ZNF671: variants seen among roughly 807,000 people sequenced by gnomAD.
ZNF671 encodes hypothetical protein FLJ23506.
In ZNF671, 19 loss-of-function variants were observed where a neutral mutation model predicts 16.6. The ratio of observed to expected loss-of-function variants is 1.14; its 90% CI spans 0.80 to 1.68. The LOEUF (loss-of-function observed/expected upper bound fraction) is 1.68, where lower values mean the gene tolerates loss of function less well. Among genes scored for constraint, ZNF671 ranks in the 40% most tolerant of loss-of-function variants. ZNF671 has a pLI of 0.00. For missense variants in ZNF671, 637 were observed against 659.8 expected, an observed-to-expected ratio of 0.97 and a Z score of 0.38; for synonymous variants, 238 against 236.3, an observed-to-expected ratio of 1.01 and a Z score of -0.06.
In ZNF671 at chr19:57,720,317, T is replaced by G. The variant is rs1363910572; in HGVS notation, c.*164A>C. The G allele has an allele frequency of 6.2e-6, 6 of 974,232 alleles. No homozygotes were observed. Among genetic ancestry groups the G allele is most frequent in the African/African-American group, 1.6e-5 (1 of 61,136 alleles). 60.3% of individuals were successfully genotyped at this position (974,232 alleles called of 1,614,324 possible). A position where few individuals can be genotyped will look rare whatever the true frequency, so the allele number is the denominator to read the frequency against. ...AACAGAGACAGCACATTGCTTAGAC[T>G]GCTAAGGCCTGTGTCCGGTGTGAAA... On this transcript the variant is annotated 3_prime_UTR_variant, in exon 4 of 4. Coordinates refer to ENST00000317398, the MANE Select transcript of ZNF671 (RefSeq NM_024833.3).
At chr19:57,726,015 G>A (rs62128135) in intron 1 of ZNF671, among the ~76,000 whole-genome samples, 70,247 of 150,310 alleles carry the variant, frequency 0.47, 18,308 homozygotes, top group African/African-American at 0.72. Context: ...TGGAAGGCTG[G>A]GGCCGGTGGA....
At chr19:57,727,077 T>A (rs1423453358) in intron 1 of ZNF671, 2 of 289,732 alleles carry the variant, frequency 6.9e-6, no homozygotes, top group Non-Finnish European at 1.3e-5. Context: ...CGTCCTTCTA[T>A]TCAAAACCCT....
At chr19:57,727,284 C>T in intron 1 of ZNF671, 107 bp downstream of exon 1, 1 of 1,432,844 alleles carries the variant, frequency 7.0e-7, no homozygotes, top group Non-Finnish European at 9.2e-7. Context: ...CGAGATAGGA[C>T]CCCGCCCCAA....
At position 57,727,299 on chromosome 19, in the gene ZNF671, G is replaced by C. The variant is rs946423119; in HGVS notation, c.138+92C>G. The C allele has an allele frequency of 4.8e-6, 7 of 1,454,140 alleles. No individual in the cohort carries two copies. In the African/African-American group the frequency reaches 1.0e-4, roughly 21 times the overall value. The allele number at this position is 1,454,140 out of a possible 1,614,324, so 90.1% of individuals were successfully genotyped here. On this transcript the variant is annotated intron_variant, in intron 1 of 3. Transcript: ENST00000317398. ...CGAGATAGGACCCCGCCCCAAGAGTGCGTCGCTGTCCTGGGACACAGGGGC... is the reference window on the plus strand; with the variant it reads ...CGAGATAGGACCCCGCCCCAAGAGTCCGTCGCTGTCCTGGGACACAGGGGC...
chr19:57,721,943 T>C lies in ZNF671; in HGVS notation c.389-246A>G, dbSNP rs78697390. The C allele has an allele frequency of 1.2e-3, 692 of 601,686 alleles. 6 individuals are homozygous for C. Among genetic ancestry groups the C allele is most frequent in the East Asian group, 7.1e-3 (251 of 35,296 alleles). 37.3% of individuals were successfully genotyped at this position (601,686 alleles called of 1,614,324 possible). A position where few individuals can be genotyped will look rare whatever the true frequency, so the allele number is the denominator to read the frequency against. Reference sequence around the variant, plus strand: ...CAAACAAATGGCTTCCAGTAGGGCCTTGACTGTTAGTGACTCGTGAGTGCT... The same window carrying C: ...CAAACAAATGGCTTCCAGTAGGGCCCTGACTGTTAGTGACTCGTGAGTGCT... On this transcript the variant is annotated intron_variant, in intron 3 of 3. Transcript: ENST00000317398.
chr19:57,722,406 T>G lies in ZNF671; in HGVS notation c.298A>C (p.Lys100Gln). 1 of 1,614,102 alleles carries G rather than the reference T, an allele frequency of 6.2e-7. No homozygotes were observed. The highest frequency in any genetic ancestry group is 8.5e-7 in the Non-Finnish European group (1 of 1,180,018). The change falls in exon 3 of 4, where the codon AAA becomes CAA. Residue 100 changes from lysine (K) to glutamine (Q), a missense_variant. By Grantham distance (53) the Lys-to-Gln change is moderately conservative. Coordinates refer to ENST00000317398, the MANE Select transcript of ZNF671 (RefSeq NM_024833.3). The stretch of plus-strand genomic sequence containing the variant: ...CAGGGCTCTTCTCCTCGCTCTAGTT[T>G]CATGACTGCACGTGATCTGGAAAAT... Reference protein sequence around the residue: ...IAFSRSRAVMKLERGEEPWVY... With the variant: ...IAFSRSRAVMQLERGEEPWVY...
chr19:57,722,174 T>G (rs906132500), intron 3 of ZNF671, 142 bp downstream of exon 3: 3 of 1,345,098 alleles, frequency 2.2e-6, no homozygotes, highest in Admixed American at 2.3e-5. Flanking sequence ...AGAAATGATA[T>G]ATCTTCGTGT....
intron 2 of ZNF671, among the ~76,000 whole-genome samples, chr19:57,722,710 TG>T (rs1985920117): frequency 6.6e-6 from 1 of 152,080 alleles, no homozygotes; most frequent in African/African-American, 2.4e-5. Context: ...AAGACCAGCC[TG>T]GGCAACATGG....
At position 57,723,233 on chromosome 19, in the gene ZNF671, A is replaced by G; in HGVS notation, c.246T>C (p.Phe82=). 1 of 1,612,938 alleles carries G rather than the reference A, an allele frequency of 6.2e-7. No individual in the cohort carries two copies. The highest frequency in any genetic ancestry group is 8.5e-7 in the Non-Finnish European group (1 of 1,179,340). The change falls in exon 2 of 4, where the codon TTT becomes TTC. Residue 82 remains phenylalanine, a synonymous_variant. Transcript: ENST00000317398. ...LLYHDVMLEN[F]ALLASLGIAF... ...CCTTACCCAGTGAGGCTAAAAGTGC[A>G]AAGTTCTCCAGCATCACATCATGGT... is the stretch of plus-strand genomic sequence containing the variant.
At chr19:57,722,712 G>A (rs1985920201) in intron 2 of ZNF671, among the ~76,000 whole-genome samples, 1 of 152,002 alleles carries the variant, frequency 6.6e-6, no homozygotes, top group South Asian at 2.1e-4. Flanking sequence ...GACCAGCCTG[G>A]GCAACATGGC....
chr19:57,721,949 GT>G, intron 3 of ZNF671: 1 of 589,578 alleles, frequency 1.7e-6, no homozygotes, highest in Admixed American at 3.1e-5. Flanking sequence ...GGCCTTGACT[GT>G]TAGTGACTCG....
At chr19:57,721,898 C>T in intron 3 of ZNF671, 1 of 704,570 alleles carries the variant, frequency 1.4e-6, no homozygotes, top group Non-Finnish European at 2.3e-6. Context: ...CAATGAAGGG[C>T]CAGGATATAA....
chr19:57,722,144 T>C, intron 3 of ZNF671, 172 bp downstream of exon 3: 1 of 1,074,158 alleles, frequency 9.3e-7, no homozygotes, highest in Non-Finnish European at 1.3e-6. Context: ...GAGGTGAGGG[T>C]GGCAAGGGGC....
intron 2 of ZNF671, 130 bp from the exon 3 acceptor site, chr19:57,722,568 C>T (rs1245688304): frequency 2.1e-6 from 3 of 1,414,630 alleles, no homozygotes; most frequent in African/African-American, 2.9e-5. Flanking sequence ...CTATAAGTGA[C>T]TATGTAAGTG....
Position 57,720,904 on chromosome 19 carries a change from G to C in ZNF671, c.1182C>G (p.Ala394=), listed in dbSNP as rs200820531. ...CACATTCGCTGCATACATAAGGCCT[G>C]GCTCCTGTGTGAACTTCCTGGTGTC... is the stretch of plus-strand genomic sequence containing the variant. ...LIRHQEVHTG[A]RPYVCSECGK... Residue 394 remains alanine (A), a synonymous_variant, in exon 4 of 4, where the codon GCC becomes GCG. Coordinates refer to ENST00000317398, the MANE Select transcript of ZNF671 (RefSeq NM_024833.3). 25 of 1,613,568 alleles carry C rather than the reference G, an allele frequency of 1.5e-5. No homozygotes were observed. The highest frequency in any genetic ancestry group is 2.1e-5 in the Non-Finnish European group (25 of 1,179,978).
chr19:57,722,471 C>A (rs947532482), intron 2 of ZNF671, 33 bp from the exon 3 acceptor site: 2 of 1,609,738 alleles, frequency 1.2e-6, no homozygotes, highest in Non-Finnish European at 1.7e-6. Flanking sequence ...GAGCAGCCAG[C>A]ACTGGCCCAT....
intron 1 of ZNF671, among the ~76,000 whole-genome samples, chr19:57,726,280 C>T (rs1171776723): frequency 6.6e-6 from 1 of 151,590 alleles, no homozygotes; most frequent in Non-Finnish European, 1.5e-5. Flanking sequence ...CACTGCATCC[C>T]ACCCTGGGCG....
intron 3 of ZNF671, chr19:57,721,938 G>A: frequency 1.7e-6 from 1 of 603,598 alleles, no homozygotes; most frequent in Non-Finnish European, 2.8e-6. Context: ...GCTTCCAGTA[G>A]GGCCTTGACT....
Position 57,720,508 on chromosome 19 carries a change from C to G in ZNF671, c.1578G>C (p.Gln526His), listed in dbSNP as rs1985814107. 1.2e-6 allele frequency: 2 copies of G among 1,614,016 alleles called. No homozygotes were observed. The highest frequency in any genetic ancestry group is 1.3e-5 in the African/African-American group (1 of 75,054). ...FIRKQTLVLH[Q>H]RVHAGEKL The stretch of plus-strand genomic sequence containing the variant: ...AAAGCTTTTCTCCAGCATGAACCCT[C>G]TGGTGCAGAACAAGTGTCTGTTTCC... Residue 526 changes from glutamine to histidine, a missense_variant, in exon 4 of 4, where the codon CAG (glutamine) becomes CAC (histidine). Physicochemically the swap from Gln to His is conservative, Grantham distance 24 (BLOSUM62 0). Coordinates refer to ENST00000317398, the MANE Select transcript of ZNF671 (RefSeq NM_024833.3).
Sources: gnomAD v4.1 joint callset for allele counts (sites outside exome capture counted in the v4.1 genomes callset) on GRCh38, gnomAD v4.1.1 for gene constraint, MANE v1.5 for transcripts, NCBI Gene and HGNC (gene_info 2026-07-23, HGNC 2026-07-21) for gene names.